The following SLC13A1 variants were observed in gnomAD, a reference collection of about 807,000 sequenced individuals.
The protein encoded by SLC13A1 is solute carrier family 13 member 1.
In SLC13A1, 65 loss-of-function variants were observed where a neutral mutation model predicts 70.0. The ratio of observed to expected loss-of-function variants is 0.93; its 90% CI spans 0.76 to 1.14. The LOEUF is 1.14. Among genes scored for constraint, SLC13A1 ranks in the 50% most tolerant of loss-of-function variants. The probability of loss-of-function intolerance (pLI) is 0.00; values close to 1 mark genes in which losing one functional copy is unlikely to be tolerated. For missense variants in SLC13A1, 726 were observed against 717.8 expected (o/e 1.01, Z -0.13); for synonymous variants, 275 against 250.5 (o/e 1.10, Z -0.92).
In SLC13A1 at chr7:123,131,242, A is replaced by C. The variant is rs1255251514; in HGVS notation, c.933-1761T>G. 2.6e-5 allele frequency among the ~76,000 whole-genome samples: 4 copies of C among 152,306 alleles called. No homozygotes were observed. In the East Asian group the frequency reaches 7.7e-4, roughly 29 times the overall value. ...CTCAGTTAAATTACTGACTAGTGCCAGTCTCAAACTTTTACCCCTTGTCAT... is the reference window on the plus strand; with the variant it reads ...CTCAGTTAAATTACTGACTAGTGCCCGTCTCAAACTTTTACCCCTTGTCAT... On this transcript the variant is annotated intron_variant, in intron 8 of 14. Coordinates refer to ENST00000194130, the MANE Select transcript of SLC13A1 (RefSeq NM_022444.4).
chr7:123,183,684 A>C (rs1795708248), intron 1 of SLC13A1, among the ~76,000 whole-genome samples: 1 of 152,134 alleles, frequency 6.6e-6, no homozygotes, highest in South Asian at 2.1e-4. Flanking sequence ...CCTTCCCCAG[A>C]CACACTGAAT....
intron 6 of SLC13A1, among the ~76,000 whole-genome samples, chr7:123,158,358 G>T (rs1362776777): frequency 1.3e-5 from 2 of 151,960 alleles, no homozygotes; most frequent in African/African-American, 4.8e-5. Context: ...CAATTTAAAA[G>T]CTCAGTAAAT....
intron 1 of SLC13A1, among the ~76,000 whole-genome samples, chr7:123,182,230 T>C (rs994013195): frequency 1.3e-5 from 2 of 152,126 alleles, no homozygotes; most frequent in Admixed American, 1.3e-4. Context: ...CTAGAGAGAA[T>C]TGTGTATACT....
chr7:123,123,505 G>C (rs893999977), intron 11 of SLC13A1, among the ~76,000 whole-genome samples: 3 of 152,006 alleles, frequency 2.0e-5, no homozygotes, highest in Non-Finnish European at 2.9e-5. Flanking sequence ...CACTTATAAT[G>C]GTACTCATTC....
intron 6 of SLC13A1, among the ~76,000 whole-genome samples, chr7:123,162,981 C>A (rs1452113845): frequency 2.6e-5 from 4 of 151,978 alleles, no homozygotes; most frequent in African/African-American, 9.7e-5. Context: ...ACTGATTTTC[C>A]AATCTCTTTC....
intron 2 of SLC13A1, among the ~76,000 whole-genome samples, chr7:123,172,437 A>G (rs1795307051): frequency 6.6e-6 from 1 of 152,196 alleles, no homozygotes; most frequent in Non-Finnish European, 1.5e-5. Flanking sequence ...CCTGGCCAAC[A>G]TAGTGAAACC....
chr7:123,165,830 A>C (rs1047649856), intron 6 of SLC13A1, among the ~76,000 whole-genome samples: 9 of 152,176 alleles, frequency 5.9e-5, no homozygotes, highest in African/African-American at 2.2e-4. Context: ...CTGATTAGAA[A>C]GTGTCTTCCT....
chr7:123,183,890 T>A (rs1399276438), intron 1 of SLC13A1, among the ~76,000 whole-genome samples: 1 of 152,178 alleles, frequency 6.6e-6, no homozygotes, highest in Non-Finnish European at 1.5e-5. Flanking sequence ...ACCTTTTGAT[T>A]TGCAGTTCAA....
rs544516787 is a variant in SLC13A1, at chr7:123,197,312, T to G, written c.99+2536A>C. On this transcript the variant is annotated intron_variant, in intron 1 of 14. Transcript: ENST00000194130. Reference sequence around the variant, plus strand: ...ATTATAGCCCCACATGGAATTATTTTTTATAATTGTGGTTTTGAAAGAGAA... The same window carrying G: ...ATTATAGCCCCACATGGAATTATTTGTTATAATTGTGGTTTTGAAAGAGAA... 5.3e-5 allele frequency among the ~76,000 whole-genome samples: 8 copies of G among 152,270 alleles called. No homozygotes were observed. The East Asian group carries it at 1.6e-3, about 30-fold the overall frequency.
At chr7:123,197,990 G>A (rs1232729074) in intron 1 of SLC13A1, among the ~76,000 whole-genome samples, 1 of 152,082 alleles carries the variant, frequency 6.6e-6, no homozygotes, top group Non-Finnish European at 1.5e-5. Context: ...ACCTAAATTT[G>A]TCTTGACTAG....
At chr7:123,199,273 A>G (rs889020524) in intron 1 of SLC13A1, among the ~76,000 whole-genome samples, 1 of 152,138 alleles carries the variant, frequency 6.6e-6, no homozygotes, top group Non-Finnish European at 1.5e-5. Flanking sequence ...ATGAAACAAA[A>G]CCTGGAATTA....
intron 1 of SLC13A1, among the ~76,000 whole-genome samples, chr7:123,188,243 T>C (rs1795878944): frequency 6.6e-6 from 1 of 152,216 alleles, no homozygotes; most frequent in South Asian, 2.1e-4. Flanking sequence ...AGAAGTTGCC[T>C]CACTTCCCCT....
At chr7:123,155,551 A>T (rs1056847258) in intron 6 of SLC13A1, among the ~76,000 whole-genome samples, 7 of 151,618 alleles carry the variant, frequency 4.6e-5, no homozygotes, top group Non-Finnish European at 7.4e-5. Context: ...TTATTTGGCA[A>T]TCTCTCTTTC....
chr7:123,154,696 A>G (rs1346408808), intron 6 of SLC13A1, among the ~76,000 whole-genome samples: 1 of 152,086 alleles, frequency 6.6e-6, no homozygotes, highest in Non-Finnish European at 1.5e-5. Flanking sequence ...CTACTACTGA[A>G]TCAGTCCCAA....
chr7:123,147,430 G>T, intron 6 of SLC13A1, 120 bp from the exon 7 acceptor site: 1 of 1,190,174 alleles, frequency 8.4e-7, no homozygotes. Context: ...TGATGTGATT[G>T]TATTTGGCAA....
chr7:123,125,688 C>A lies in SLC13A1; in HGVS notation c.1134-13G>T. The A allele has an allele frequency of 3.8e-6, 6 of 1,562,142 alleles. No homozygotes were observed. Among genetic ancestry groups the A allele is most frequent in the Non-Finnish European group, 5.3e-6 (6 of 1,138,480 alleles). On this transcript the variant is annotated splice_polypyrimidine_tract_variant and intron_variant, in intron 10 of 14. Transcript: ENST00000194130. ...AAAACCAGGGTACCTGTAAAAGGGA[C>A]AAATACATGTATTAAAAATAGCATC...
At position 123,115,601 on chromosome 7, in the gene SLC13A1, T is replaced by G; in HGVS notation, c.1705A>C (p.Ile569Leu). 1.9e-6 allele frequency: 3 copies of G among 1,613,930 alleles called. No homozygotes were observed. The highest frequency in any genetic ancestry group is 2.5e-6 in the Non-Finnish European group (3 of 1,179,838). ...AACATGGGTACAATCCAAGTACATA[T>G]GCCAAGCATAACCACAGCAACACCA... ...IVGVAVVMLG[I>L]CTWIVPMFDL... The change falls in exon 15 of 15, where the codon ATA becomes CTA. Residue 569 changes from isoleucine to leucine, a missense_variant. Coordinates refer to ENST00000194130, the MANE Select transcript of SLC13A1 (RefSeq NM_022444.4).
intron 6 of SLC13A1, among the ~76,000 whole-genome samples, chr7:123,154,419 G>C (rs1221572409): frequency 6.6e-6 from 1 of 152,060 alleles, no homozygotes; most frequent in East Asian, 1.9e-4. Flanking sequence ...CAGAAATCCT[G>C]CAGGTCCAGA....
In SLC13A1 at chr7:123,181,842, A is replaced by G. The variant is rs565029595; in HGVS notation, c.100-741T>C. ...AGGTTAGCAGCTATCAAATGGTGCT[A>G]TTTTGCTCTCACAGTGCTTACTCTC... On this transcript the variant is annotated intron_variant, in intron 1 of 14. Coordinates refer to ENST00000194130, the MANE Select transcript of SLC13A1 (RefSeq NM_022444.4). Among the ~76,000 whole-genome samples the G allele has an allele frequency of 1.9e-4, 29 of 152,186 alleles. No homozygotes were observed. In the East Asian group the frequency reaches 5.4e-3, roughly 28 times the overall value.
Sources: gnomAD v4.1 joint callset for allele counts (sites outside exome capture counted in the v4.1 genomes callset) on GRCh38, gnomAD v4.1.1 for gene constraint, MANE v1.5 for transcripts, NCBI Gene and HGNC (gene_info 2026-07-23, HGNC 2026-07-21) for gene names.